Variants in ARHGAP24 observed in about 807,000 individuals in gnomAD.
The protein encoded by ARHGAP24 is Rho GTPase activating protein 24.
Under a neutral mutation model 76.4 loss-of-function variants are expected in ARHGAP24, and 50 were observed. The observed-to-expected ratio is 0.65, with a 90% CI of 0.52 to 0.83. ARHGAP24 has a LOEUF of 0.83. Among genes scored for constraint, ARHGAP24 ranks in the 40% least tolerant of loss-of-function variants. The pLI, the probability that ARHGAP24 is intolerant of heterozygous loss-of-function variation, is 0.00. For synonymous variants in ARHGAP24, 345 were observed against 323.3 expected (o/e 1.07, Z -0.72); for missense variants, 930 against 914.2 (o/e 1.02, Z -0.22).
At chr4:85,871,317 A>G (rs1285400201) in intron 3 of ARHGAP24, among the ~76,000 whole-genome samples, 6 of 152,238 alleles carry the variant, frequency 3.9e-5, no homozygotes, top group Non-Finnish European at 7.3e-5. Flanking sequence ...ACAAATTAAT[A>G]ATTTATGAAA....
chr4:85,569,204 G>A (rs1726972838), intron 1 of ARHGAP24, among the ~76,000 whole-genome samples: 1 of 152,182 alleles, frequency 6.6e-6, no homozygotes, highest in South Asian at 2.1e-4. Context: ...ATAAAACAGG[G>A]ACTTTGTTTA....
Position 85,992,702 on chromosome 4 carries a change from A to G in ARHGAP24, c.929-1881A>G, listed in dbSNP as rs537228206. On this transcript the variant is annotated intron_variant, in intron 8 of 9. Transcript: ENST00000395184. ...TTGACAGTTATTCTAACTGCTCTAA[A>G]ATTCTTTTTATCAGATTCACTGCTA... Among the ~76,000 whole-genome samples the G allele has an allele frequency of 2.6e-5, 4 of 152,338 alleles. No homozygotes were observed. The South Asian group carries it at 8.3e-4, about 32-fold the overall frequency.
intron 2 of ARHGAP24, among the ~76,000 whole-genome samples, chr4:85,700,904 A>G (rs1025589429): frequency 3.9e-5 from 6 of 152,160 alleles, no homozygotes; most frequent in Admixed American, 6.5e-5. Context: ...AAAATAAAAT[A>G]TCTCTCTTTG....
intron 3 of ARHGAP24, chr4:85,722,387 AAAAAAAAAACAAAAAACAAACAAAC>A (rs1237975299): frequency 2.0e-5 from 4 of 196,264 alleles, no homozygotes; most frequent in African/African-American, 9.6e-5. Context: ...GCAAAAAACA[AAAAAAAAAACAAAAAACAAACAAAC>A]AAAAAAAAAC....
chr4:85,612,769 C>T (rs111323799), intron 2 of ARHGAP24, among the ~76,000 whole-genome samples: 6 of 147,576 alleles, frequency 4.1e-5, no homozygotes, highest in African/African-American at 1.5e-4. Context: ...CAGATAACAG[C>T]TAAAGCCCTA....
chr4:85,770,704 G>A (rs892417041), intron 3 of ARHGAP24, among the ~76,000 whole-genome samples: 1 of 152,186 alleles, frequency 6.6e-6, no homozygotes, highest in Non-Finnish European at 1.5e-5. Flanking sequence ...AAAGTGAAAT[G>A]TTTTGGCCAA....
At chr4:85,712,704 TC>T (rs1411327008) in intron 2 of ARHGAP24, among the ~76,000 whole-genome samples, 2 of 152,098 alleles carry the variant, frequency 1.3e-5, no homozygotes, top group Non-Finnish European at 2.9e-5. Flanking sequence ...TCCCTGTCCC[TC>T]TTATAAGGAC....
At chr4:85,855,854 G>A (rs1283287422) in intron 3 of ARHGAP24, among the ~76,000 whole-genome samples, 1 of 151,668 alleles carries the variant, frequency 6.6e-6, no homozygotes, top group Non-Finnish European at 1.5e-5. Context: ...ACCCTCATCT[G>A]GCTTTAGAGA....
chr4:85,842,073 T>C (rs1730624444), intron 3 of ARHGAP24, among the ~76,000 whole-genome samples: 1 of 152,210 alleles, frequency 6.6e-6, no homozygotes, highest in African/African-American at 2.4e-5. Flanking sequence ...ATATGTACTG[T>C]ACTTGAGTGA....
intron 3 of ARHGAP24, among the ~76,000 whole-genome samples, chr4:85,826,656 C>A (rs1729724813): frequency 6.6e-6 from 1 of 152,134 alleles, no homozygotes; most frequent in Admixed American, 6.5e-5. Context: ...TCAAGTACTG[C>A]ACATATAGAA....
chr4:85,901,882 T>A (rs886181003), intron 3 of ARHGAP24, among the ~76,000 whole-genome samples: 2 of 152,090 alleles, frequency 1.3e-5, no homozygotes, highest in African/African-American at 4.8e-5. Flanking sequence ...TAGGTATACA[T>A]GTGTCATGGT....
At chr4:85,623,707 T>C (rs1173717008) in intron 2 of ARHGAP24, among the ~76,000 whole-genome samples, 2 of 151,960 alleles carry the variant, frequency 1.3e-5, no homozygotes, top group East Asian at 3.9e-4. Flanking sequence ...ACGATATTGA[T>C]TCTTCCTACC....
At chr4:85,862,870 T>C (rs1269381776) in intron 3 of ARHGAP24, among the ~76,000 whole-genome samples, 1 of 152,170 alleles carries the variant, frequency 6.6e-6, no homozygotes, top group Non-Finnish European at 1.5e-5. Flanking sequence ...TACTTTTCTT[T>C]GTTTATTGCT....
intron 3 of ARHGAP24, among the ~76,000 whole-genome samples, chr4:85,783,932 A>G (rs1315360456): frequency 1.3e-5 from 2 of 152,174 alleles, no homozygotes; most frequent in Admixed American, 6.6e-5. Context: ...TCACTGCACA[A>G]CGATGTTCAG....
chr4:85,562,978 G>T (rs993029267), intron 1 of ARHGAP24, among the ~76,000 whole-genome samples: 2 of 152,188 alleles, frequency 1.3e-5, no homozygotes, highest in Non-Finnish European at 1.5e-5. Context: ...AGCAGAGCTT[G>T]AGGTGAGAAT....
At chr4:85,872,988 G>A (rs1014036074) in intron 3 of ARHGAP24, among the ~76,000 whole-genome samples, 2 of 152,158 alleles carry the variant, frequency 1.3e-5, no homozygotes, top group African/African-American at 2.4e-5. Context: ...GATTGGGAAA[G>A]CATCATTAGC....
intron 1 of ARHGAP24, among the ~76,000 whole-genome samples, chr4:85,568,087 T>C (rs77285819): frequency 0.01 from 1,580 of 152,334 alleles, 30 homozygotes; most frequent in African/African-American, 0.036. Context: ...TGTTCTAGTG[T>C]ACACACATTT....
chr4:85,673,717 T>A lies in ARHGAP24; in HGVS notation c.181-48168T>A, dbSNP rs906377440. Reference sequence around the variant, plus strand: ...AAACACCAGTGGGGGGATCTAAGCATTGAGAGGATGACTTTCCCTTGAGTT... The same window carrying A: ...AAACACCAGTGGGGGGATCTAAGCAATGAGAGGATGACTTTCCCTTGAGTT... On this transcript the variant is annotated intron_variant, in intron 2 of 9. Transcript: ENST00000395184. 2.1e-5 allele frequency among the ~76,000 whole-genome samples: 3 copies of A among 144,564 alleles called. No homozygotes were observed. In the East Asian group the frequency reaches 6.4e-4, roughly 31 times the overall value. 94.8% of individuals were successfully genotyped at this position (144,564 alleles called of 152,430 possible).
chr4:85,570,677 G>C lies in ARHGAP24; in HGVS notation c.136G>C (p.Asp46His). The C allele has an allele frequency of 6.2e-7, 1 of 1,614,018 alleles. No homozygotes were observed. The highest frequency in any genetic ancestry group is 1.1e-5 in the South Asian group (1 of 91,062). The change falls in exon 2 of 10, where the codon GAT (aspartate) becomes CAT (histidine). Residue 46 changes from aspartate (D) to histidine (H), a missense_variant. Coordinates refer to ENST00000395184, the MANE Select transcript of ARHGAP24 (RefSeq NM_001025616.3). ...TACTCGCTGGTTTGTGCTCAAGGGG[G>C]ATCAGCTCTATTATTTCAAAGATGA... is the stretch of plus-strand genomic sequence containing the variant. ...WHTRWFVLKG[D>H]QLYYFKDEDE...
Sources: allele counts gnomAD v4.1 joint callset (sites outside exome capture counted in the v4.1 genomes callset), GRCh38; gene constraint gnomAD v4.1.1; transcripts MANE v1.5; gene names NCBI Gene and HGNC (gene_info 2026-07-23, HGNC 2026-07-21).